Variants in LPP observed in about 807,000 individuals in gnomAD.
The protein encoded by LPP is lipoma-preferred partner.
A neutral mutation model predicts 60.4 loss-of-function variants in LPP; 38 were observed. The ratio of observed to expected loss-of-function variants is 0.63; its 90% confidence interval spans 0.49 to 0.83. LPP has a LOEUF of 0.83. LPP is among the 40% of genes least tolerant of loss of function. The pLI is 0.00. For missense variants in LPP, 902 were observed against 783.6 expected (o/e 1.15, Z -1.80); for synonymous variants, 328 against 290.8 (o/e 1.13, Z -1.30).
At chr3:188,274,401 T>C (rs1227866369) in intron 2 of LPP, among the ~76,000 whole-genome samples, 2 of 152,198 alleles carry the variant, frequency 1.3e-5, no homozygotes, top group Non-Finnish European at 1.5e-5. Flanking sequence ...AAGAGCTGTG[T>C]CAAATTTATT....
intron 3 of LPP, among the ~76,000 whole-genome samples, chr3:188,357,451 T>A (rs1157262804): frequency 6.6e-6 from 1 of 150,934 alleles, no homozygotes; most frequent in Non-Finnish European, 1.5e-5. Flanking sequence ...AATGCTCTTC[T>A]ACTAACAAAT....
chr3:188,165,558 G>T (rs1431401072), intron 1 of LPP, among the ~76,000 whole-genome samples: 1 of 152,182 alleles, frequency 6.6e-6, no homozygotes, highest in African/African-American at 2.4e-5. Flanking sequence ...CTTTATTGCT[G>T]TACTGAGAAG....
At chr3:188,520,853 G>A (rs1410171874) in intron 5 of LPP, among the ~76,000 whole-genome samples, 1 of 152,176 alleles carries the variant, frequency 6.6e-6, no homozygotes, top group Admixed American at 6.5e-5. Flanking sequence ...GCTGGCATTG[G>A]GAAGGTCATT....
intron 7 of LPP, among the ~76,000 whole-genome samples, chr3:188,669,820 A>G (rs1392570740): frequency 1.3e-5 from 2 of 152,172 alleles, no homozygotes; most frequent in Non-Finnish European, 2.9e-5. Flanking sequence ...TTACTGCAGC[A>G]CTCTTCACAA....
chr3:188,788,468 C>G (rs1742616771), intron 9 of LPP, among the ~76,000 whole-genome samples: 2 of 152,188 alleles, frequency 1.3e-5, no homozygotes, highest in Non-Finnish European at 2.9e-5. Context: ...GATTCTTGTG[C>G]CTTATCCTCC....
intron 7 of LPP, among the ~76,000 whole-genome samples, chr3:188,699,821 A>G (rs1577084648): frequency 1.3e-5 from 2 of 152,290 alleles, no homozygotes; most frequent in Non-Finnish European, 2.9e-5. Flanking sequence ...CCTGGCCAGA[A>G]GGGGTTCTCC....
At chr3:188,190,870 GTTC>G (rs1427513986) in intron 1 of LPP, among the ~76,000 whole-genome samples, 1 of 152,210 alleles carries the variant, frequency 6.6e-6, no homozygotes, top group Admixed American at 6.5e-5. Flanking sequence ...AATAATCCCT[GTTC>G]TTCTTATTTC....
chr3:188,310,458 G>A (rs975088539), intron 2 of LPP, among the ~76,000 whole-genome samples: 1 of 152,108 alleles, frequency 6.6e-6, no homozygotes, highest in Non-Finnish European at 1.5e-5. Flanking sequence ...TAGCTAGCCA[G>A]TGGAATTGAG....
chr3:188,435,474 A>G (rs1454711539), intron 4 of LPP, among the ~76,000 whole-genome samples: 1 of 152,202 alleles, frequency 6.6e-6, no homozygotes, highest in Non-Finnish European at 1.5e-5. Context: ...ACACACGTTT[A>G]TATAAACACA....
In LPP at chr3:188,233,243, C is replaced by T. The variant is rs1720722805; in HGVS notation, c.-67+7716C>T. 2.0e-5 allele frequency among the ~76,000 whole-genome samples: 3 copies of T among 152,258 alleles called. No homozygotes were observed. In the South Asian group the frequency reaches 6.2e-4, roughly 32 times the overall value. The stretch of plus-strand genomic sequence containing the variant: ...AATATAGTGGCTCTAGGAACAAAAC[C>T]TTTATCCACTGTGTTTCATGGGGAA... On this transcript the variant is annotated intron_variant, in intron 2 of 11. Coordinates refer to ENST00000617246, the MANE Select transcript of LPP (RefSeq NM_001375462.1).
chr3:188,783,883 A>G (rs1349036852), intron 9 of LPP, among the ~76,000 whole-genome samples: 2 of 152,030 alleles, frequency 1.3e-5, no homozygotes, highest in African/African-American at 4.8e-5. Flanking sequence ...TTCTTACAAA[A>G]CTGTCCCTCC....
intron 3 of LPP, among the ~76,000 whole-genome samples, chr3:188,397,836 A>G (rs1560350013): frequency 6.6e-6 from 1 of 151,178 alleles, no homozygotes; most frequent in Admixed American, 6.6e-5. Context: ...CTGATCTTGA[A>G]CTCCTGACCT....
Position 188,874,926 on chromosome 3 carries a change from A to C in LPP, c.*447A>C, listed in dbSNP as rs977067512. The C allele has an allele frequency of 4.3e-6, 1 of 232,208 alleles. No homozygotes were observed. The highest frequency in any genetic ancestry group is 8.6e-6 in the Non-Finnish European group (1 of 116,822). The allele number at this position is 232,208 out of a possible 1,614,324, so 14.4% of individuals were successfully genotyped here. A position where few individuals can be genotyped will look rare whatever the true frequency, so the allele number is the denominator to read the frequency against. On this transcript the variant is annotated 3_prime_UTR_variant, in exon 12 of 12. Coordinates refer to ENST00000617246, the MANE Select transcript of LPP (RefSeq NM_001375462.1). ...CGTTTTGCCTGTGACTGTAAAGAGT[A>C]GCCATTCTTTTCCCATGTATTGAAG...
At chr3:188,241,234 G>A (rs1212952787) in intron 2 of LPP, among the ~76,000 whole-genome samples, 1 of 152,132 alleles carries the variant, frequency 6.6e-6, no homozygotes, top group African/African-American at 2.4e-5. Context: ...TGTTATCTGC[G>A]CAGGCCTCTC....
chr3:188,207,212 CTTTTTTTTTTTTTTCTTTTCT>C (rs1459982773), intron 1 of LPP, among the ~76,000 whole-genome samples: 6 of 129,334 alleles, frequency 4.6e-5, no homozygotes, highest in Non-Finnish European at 9.7e-5. Flanking sequence ...TACACATTTT[CTTTTTTTTTTTTTTCTTTTCT>C]TTTTTTTTTT....
At position 188,342,008 on chromosome 3, in the gene LPP, T is replaced by A. The variant is rs554472005; in HGVS notation, c.-10+289T>A. Among the ~76,000 whole-genome samples, 334 of 152,328 alleles carry A rather than the reference T, an allele frequency of 2.2e-3. 3 individuals carry two copies. The South Asian group carries it at 0.024, about 11-fold the overall frequency. ...TGTATGTATTTAAGTGTCCATAAAA[T>A]GCAATGGAGTAGAATGTGCTTAACC... On this transcript the variant is annotated intron_variant, in intron 3 of 11. Coordinates refer to ENST00000617246, the MANE Select transcript of LPP (RefSeq NM_001375462.1).
chr3:188,273,865 G>T (rs6790186), intron 2 of LPP, among the ~76,000 whole-genome samples: 1 of 151,290 alleles, frequency 6.6e-6, no homozygotes, highest in Non-Finnish European at 1.5e-5. Flanking sequence ...CAAAGTGCTG[G>T]ATTACAAGTG....
Position 188,846,552 on chromosome 3 carries a change from C to T in LPP, c.1411-19648C>T, listed in dbSNP as rs138940258. ...TACAAAAATTAGGCGGGCATGGTGG[C>T]GGGCACCTTTAGTCCCAGCTACTTG... On this transcript the variant is annotated intron_variant, in intron 9 of 11. Coordinates refer to ENST00000617246, the MANE Select transcript of LPP (RefSeq NM_001375462.1). Among the ~76,000 whole-genome samples, 351 of 151,938 alleles carry T rather than the reference C, an allele frequency of 2.3e-3. 7 individuals are homozygous for T. In the East Asian group the frequency reaches 0.061, roughly 26 times the overall value.
chr3:188,441,644 G>T (rs2149262778), intron 4 of LPP, among the ~76,000 whole-genome samples: 1 of 43,460 alleles, frequency 2.3e-5, no homozygotes. Context: ...TTTTTGAGAT[G>T]GAGTCTCGCT....
Sources: gnomAD v4.1 joint callset for allele counts (sites outside exome capture counted in the v4.1 genomes callset) on GRCh38, gnomAD v4.1.1 for gene constraint, MANE v1.5 for transcripts, NCBI Gene and HGNC (gene_info 2026-07-23, HGNC 2026-07-21) for gene names.